DCC: variants seen among roughly 807,000 people sequenced by gnomAD.
DCC encodes netrin receptor DCC.
A neutral mutation model predicts 172.5 loss-of-function variants in DCC; 58 were observed. The ratio of observed to expected loss-of-function variants is 0.34; its 90% CI spans 0.27 to 0.42. The LOEUF (loss-of-function observed/expected upper bound fraction) is 0.42. Among genes scored for constraint, DCC ranks in the 10% least tolerant of loss-of-function variants. The pLI is 1.00. For missense variants in DCC, 1,740 were observed against 1,791.0 expected (o/e 0.97, Z 0.51); for synonymous variants, 709 against 644.5 (o/e 1.10, Z -1.52).
At chr18:52,773,694 T>C (rs929431606) in intron 2 of DCC, among the ~76,000 whole-genome samples, 5 of 152,128 alleles carry the variant, frequency 3.3e-5, no homozygotes, top group Admixed American at 2.6e-4. Context: ...ACCTGGCTAA[T>C]TTGTTTGTAT....
intron 7 of DCC, among the ~76,000 whole-genome samples, chr18:53,128,669 C>T (rs1379002631): frequency 6.6e-6 from 1 of 151,578 alleles, no homozygotes; most frequent in Non-Finnish European, 1.5e-5. Flanking sequence ...TTTTAGAATC[C>T]TATTCAACTC....
intron 8 of DCC, among the ~76,000 whole-genome samples, chr18:53,174,381 C>A (rs997481059): frequency 2.0e-5 from 3 of 151,422 alleles, no homozygotes; most frequent in African/African-American, 7.3e-5. Context: ...AAAAATTAAT[C>A]CAGGAGCTGG....
chr18:52,660,052 G>A (rs550336228), intron 1 of DCC, among the ~76,000 whole-genome samples: 3 of 152,120 alleles, frequency 2.0e-5, no homozygotes, highest in South Asian at 2.1e-4. Flanking sequence ...TTCCTCGCCC[G>A]CCAATTAATG....
intron 1 of DCC, among the ~76,000 whole-genome samples, chr18:52,413,760 TGAGCATAAGG>T (rs1986921221): frequency 6.6e-6 from 1 of 152,156 alleles, no homozygotes; most frequent in African/African-American, 2.4e-5. Context: ...CTTTTGGGCT[TGAGCATAAGG>T]GAGCATCTAG....
chr18:52,415,940 T>C (rs553928915), intron 1 of DCC, among the ~76,000 whole-genome samples: 158 of 152,264 alleles, frequency 1.0e-3, no homozygotes, highest in African/African-American at 3.3e-3. Flanking sequence ...GCTCTTGCTT[T>C]TCTAGTTCTT....
intron 5 of DCC, among the ~76,000 whole-genome samples, chr18:52,983,295 G>A (rs1462371851): frequency 6.6e-6 from 1 of 152,154 alleles, no homozygotes; most frequent in South Asian, 2.1e-4. Flanking sequence ...AACATTGGAT[G>A]CTTTGCAGGG....
intron 9 of DCC, among the ~76,000 whole-genome samples, chr18:53,194,851 C>G (rs1322515971): frequency 6.6e-6 from 1 of 152,218 alleles, no homozygotes; most frequent in African/African-American, 2.4e-5. Context: ...TGTTTTCCAT[C>G]TACCCTTTGC....
At chr18:53,509,235 T>G (rs535141657) in intron 27 of DCC, among the ~76,000 whole-genome samples, 1 of 152,380 alleles carries the variant, frequency 6.6e-6, no homozygotes, top group Non-Finnish European at 1.5e-5. Flanking sequence ...TATTTCTCAT[T>G]GAGCACATGT....
chr18:52,896,536 T>A (rs1350453411), intron 2 of DCC, among the ~76,000 whole-genome samples: 2 of 152,212 alleles, frequency 1.3e-5, no homozygotes, highest in African/African-American at 4.8e-5. Flanking sequence ...CAGTATAATT[T>A]GATTAGATTT....
intron 2 of DCC, among the ~76,000 whole-genome samples, chr18:52,884,553 T>C (rs543117295): frequency 3.0e-4 from 45 of 152,330 alleles, no homozygotes; most frequent in African/African-American, 1.0e-3. Context: ...TGTCTTGTTA[T>C]TTTAATCTCT....
At chr18:53,375,358 C>G (rs1393916547) in intron 15 of DCC, among the ~76,000 whole-genome samples, 2 of 152,016 alleles carry the variant, frequency 1.3e-5, no homozygotes. Flanking sequence ...AGAAGGCTAC[C>G]AGAAAGTAAA....
At chr18:52,532,713 G>T (rs559676320) in intron 1 of DCC, among the ~76,000 whole-genome samples, 1 of 150,434 alleles carries the variant, frequency 6.6e-6, no homozygotes, top group East Asian at 2.0e-4. Flanking sequence ...TCTATAAACT[G>T]TTTTTTTTTC....
At chr18:52,873,049 G>A (rs1186725539) in intron 2 of DCC, among the ~76,000 whole-genome samples, 2 of 152,146 alleles carry the variant, frequency 1.3e-5, no homozygotes, top group East Asian at 3.8e-4. Flanking sequence ...TAAGAATAAT[G>A]CTGTCAATCT....
chr18:53,182,033 T>C (rs1247501329), intron 9 of DCC, among the ~76,000 whole-genome samples: 4 of 152,254 alleles, frequency 2.6e-5, no homozygotes, highest in Non-Finnish European at 5.9e-5. Flanking sequence ...CAGAAAGCAG[T>C]GTGAAAAATT....
chr18:52,943,277 A>G (rs1460841354), intron 5 of DCC, among the ~76,000 whole-genome samples: 1 of 152,198 alleles, frequency 6.6e-6, no homozygotes, highest in African/African-American at 2.4e-5. Context: ...TTTGGATTTC[A>G]TTAATAATAG....
chr18:53,298,323 C>T (rs1413129415), intron 12 of DCC, among the ~76,000 whole-genome samples: 1 of 151,578 alleles, frequency 6.6e-6, no homozygotes, highest in Non-Finnish European at 1.5e-5. Context: ...ATCCTTTGAG[C>T]CTAGGAGTTC....
At chr18:52,962,297 T>C (rs1289637650) in intron 5 of DCC, among the ~76,000 whole-genome samples, 1 of 151,780 alleles carries the variant, frequency 6.6e-6, no homozygotes, top group Non-Finnish European at 1.5e-5. Flanking sequence ...GGGCAAAGGA[T>C]ATGAACAGAC....
chr18:52,987,296 C>T (rs1352714566), intron 5 of DCC, among the ~76,000 whole-genome samples: 1 of 152,044 alleles, frequency 6.6e-6, no homozygotes, highest in Non-Finnish European at 1.5e-5. Context: ...CTACCAAAAA[C>T]AAAAACAAAC....
intron 22 of DCC, among the ~76,000 whole-genome samples, chr18:53,447,252 C>T (rs551610593): frequency 6.6e-6 from 1 of 152,250 alleles, no homozygotes; most frequent in African/African-American, 2.4e-5. Flanking sequence ...CTAAAGACAC[C>T]ATTGCACTTG....
Sources: gnomAD v4.1 joint callset for allele counts (sites outside exome capture counted in the v4.1 genomes callset) on GRCh38, gnomAD v4.1.1 for gene constraint, MANE v1.5 for transcripts, NCBI Gene and HGNC (gene_info 2026-07-23, HGNC 2026-07-21) for gene names.